The following TGFBI variants were observed in gnomAD, a reference collection of about 807,000 sequenced individuals.
The protein encoded by TGFBI is transforming growth factor beta induced.
A neutral mutation model predicts 73.7 loss-of-function variants in TGFBI; 50 were observed. The observed-to-expected ratio is 0.68, with a 90% confidence interval of 0.54 to 0.86. The LOEUF (loss-of-function observed/expected upper bound fraction) is 0.86. Ranked by LOEUF, TGFBI falls within the 40% of genes least tolerant of loss-of-function variation. The probability of loss-of-function intolerance (pLI) is 0.00; values close to 1 mark genes in which losing one functional copy is unlikely to be tolerated. For synonymous variants in TGFBI, 362 were observed against 360.5 expected, an observed-to-expected ratio of 1.00 and a Z score of -0.05; for missense variants, 839 against 877.0, an observed-to-expected ratio of 0.96 and a Z score of 0.55.
Position 136,052,904 on chromosome 5 carries a change from C to T in TGFBI, c.914-3C>T. On this transcript the variant is annotated splice_polypyrimidine_tract_variant and splice_region_variant and intron_variant, in intron 7 of 16. Coordinates refer to ENST00000442011, the MANE Select transcript of TGFBI (RefSeq NM_000358.3). ...ACTTGACCTGAGTCTGTTTGGACCC[C>T]AGACCTGCTGAACAACCACATCTTG... is the stretch of plus-strand genomic sequence containing the variant. 6.2e-7 allele frequency: 1 copy of T among 1,613,404 alleles called. No homozygotes were observed. The highest frequency in any genetic ancestry group is 8.5e-7 in the Non-Finnish European group (1 of 1,179,420).
intron 2 of TGFBI, among the ~76,000 whole-genome samples, chr5:136,036,780 G>A (rs754441335): frequency 6.6e-6 from 1 of 152,196 alleles, no homozygotes; most frequent in Admixed American, 6.5e-5. Context: ...GACTGTCTCT[G>A]CATGAGGTCC....
intron 6 of TGFBI, 76 bp from the exon 7 acceptor site, chr5:136,049,363 G>C: frequency 6.4e-7 from 1 of 1,558,166 alleles, no homozygotes; most frequent in Non-Finnish European, 8.7e-7. Context: ...CGGGGAACCA[G>C]TGAAGCTGTG....
intron 2 of TGFBI, among the ~76,000 whole-genome samples, chr5:136,038,675 C>T (rs569628173): frequency 1.3e-5 from 2 of 149,536 alleles, no homozygotes; most frequent in South Asian, 2.1e-4. Context: ...GAGCTGAGAT[C>T]GCACCACTGC....
intron 8 of TGFBI, among the ~76,000 whole-genome samples, chr5:136,053,498 C>A (rs1751574112): frequency 6.6e-6 from 1 of 152,274 alleles, no homozygotes; most frequent in Non-Finnish European, 1.5e-5. Flanking sequence ...ACTGAATGGA[C>A]TTTGGCTTGT....
At chr5:136,047,564 T>C (rs1345240248) in intron 6 of TGFBI, 144 bp downstream of exon 6, 1 of 941,978 alleles carries the variant, frequency 1.1e-6, no homozygotes, top group Admixed American at 2.3e-5. Flanking sequence ...CCCTTGAACA[T>C]GGAGAATTCA....
intron 3 of TGFBI, among the ~76,000 whole-genome samples, chr5:136,044,610 A>G (rs1450144601): frequency 6.6e-6 from 1 of 152,196 alleles, no homozygotes; most frequent in African/African-American, 2.4e-5. Context: ...TTCGGTAGGG[A>G]GAAGAGCCAT....
rs121909210 is a variant in TGFBI, at chr5:136,046,406, C to A, written c.370C>A (p.Arg124Ser). Residue 124 changes from arginine to serine, a missense_variant, in exon 4 of 17, where the codon CGC becomes AGC. Coordinates refer to ENST00000442011, the MANE Select transcript of TGFBI (RefSeq NM_000358.3). ...GSTTTQLYTD[R>S]TEKLRPEMEG... ...CACCACCACTCAGCTGTACACGGAC[C>A]GCACGGAGAAGCTGAGGCCTGAGAT... The A allele has an allele frequency of 6.2e-7, 1 of 1,613,912 alleles. No individual in the cohort carries two copies. The highest frequency in any genetic ancestry group is 2.2e-5 in the East Asian group (1 of 44,878).
intron 12 of TGFBI, among the ~76,000 whole-genome samples, chr5:136,057,769 T>C (rs976100731): frequency 6.6e-6 from 1 of 152,198 alleles, no homozygotes; most frequent in Non-Finnish European, 1.5e-5. Flanking sequence ...CAGGCAGCTC[T>C]AAGTTGAATT....
At chr5:136,053,233 C>A in intron 8 of TGFBI, 114 bp downstream of exon 8, 1 of 956,746 alleles carries the variant, frequency 1.0e-6, no homozygotes, top group Non-Finnish European at 1.6e-6. Flanking sequence ...CTGCCTGGAC[C>A]CAGCTCACAG....
Position 136,059,125 on chromosome 5 carries a change from C to A in TGFBI, c.1714C>A (p.His572Asn). The change falls in exon 13 of 17, where the codon CAC becomes AAC. Residue 572 changes from histidine to asparagine, a missense_variant. By Grantham distance (68) the His-to-Asn change is moderately conservative. Transcript: ENST00000442011. ...GGAACTTGCCAACATCCTGAAATAC[C>A]ACATTGGTGATGAAATCCTGGTTAG... Reference protein sequence around the residue: ...AKELANILKYHIGDEILVSGG... With the variant: ...AKELANILKYNIGDEILVSGG... The A allele has an allele frequency of 6.2e-7, 1 of 1,611,706 alleles. No individual in the cohort carries two copies.
chr5:136,052,653 A>G (rs1015614400), intron 7 of TGFBI, among the ~76,000 whole-genome samples: 1 of 152,226 alleles, frequency 6.6e-6, no homozygotes, highest in African/African-American at 2.4e-5. Flanking sequence ...CTTGACTGAT[A>G]AGGAAGTTGA....
At chr5:136,051,715 A>G (rs1052380031) in intron 7 of TGFBI, among the ~76,000 whole-genome samples, 1 of 152,204 alleles carries the variant, frequency 6.6e-6, no homozygotes, top group African/African-American at 2.4e-5. Context: ...ACTAGTTTCC[A>G]GCCCTGGCCC....
At chr5:136,055,450 T>A (rs1174712596) in intron 10 of TGFBI, 2 of 399,820 alleles carry the variant, frequency 5.0e-6, no homozygotes, top group African/African-American at 4.1e-5. Context: ...TTATGGGACC[T>A]CTGTGTGACT....
Position 136,044,046 on chromosome 5 carries a change from G to C in TGFBI, c.234-12G>C, listed in dbSNP as rs1407082396. On this transcript the variant is annotated splice_polypyrimidine_tract_variant and intron_variant, in intron 2 of 16. Transcript: ENST00000442011. ...GCCCTGCCTAACACAATGTATGGTTGTCTTGTTACAGAGTCATCAGCTACG... is the reference window on the plus strand; with the variant it reads ...GCCCTGCCTAACACAATGTATGGTTCTCTTGTTACAGAGTCATCAGCTACG... The C allele has an allele frequency of 2.2e-5, 36 of 1,612,348 alleles. No homozygotes were observed. The highest frequency in any genetic ancestry group is 3.1e-5 in the Non-Finnish European group (36 of 1,178,668).
At chr5:136,062,047 G>T (rs1751758053) in intron 15 of TGFBI, among the ~76,000 whole-genome samples, 1 of 152,162 alleles carries the variant, frequency 6.6e-6, no homozygotes, top group South Asian at 2.1e-4. Flanking sequence ...GGCTCGCTAT[G>T]TGTGTGGAGC....
At chr5:136,038,590 A>G (rs949765898) in intron 2 of TGFBI, among the ~76,000 whole-genome samples, 2 of 151,980 alleles carry the variant, frequency 1.3e-5, no homozygotes, top group African/African-American at 2.4e-5. Context: ...GCATGGTGGT[A>G]CACACCTGTA....
intron 2 of TGFBI, among the ~76,000 whole-genome samples, chr5:136,035,496 G>T (rs1052282612): frequency 2.6e-5 from 4 of 151,866 alleles, no homozygotes; most frequent in African/African-American, 9.7e-5. Flanking sequence ...GTGGTGGCGG[G>T]CACCTGTAGT....
intron 6 of TGFBI, chr5:136,048,450 A>C (rs1218801124): frequency 6.6e-6 from 1 of 152,236 alleles, no homozygotes; most frequent in Non-Finnish European, 1.5e-5. Context: ...GGGTGGGCCT[A>C]TGTGCCAGGA....
At chr5:136,045,170 G>T (rs1291294725) in intron 3 of TGFBI, among the ~76,000 whole-genome samples, 1 of 152,104 alleles carries the variant, frequency 6.6e-6, no homozygotes, top group Non-Finnish European at 1.5e-5. Flanking sequence ...ACTTTGGGAG[G>T]CCAAGAGGGG....
Sources: allele counts gnomAD v4.1 joint callset (sites outside exome capture counted in the v4.1 genomes callset), GRCh38; gene constraint gnomAD v4.1.1; transcripts MANE v1.5; gene names NCBI Gene and HGNC (gene_info 2026-07-23, HGNC 2026-07-21).